Variants in TMEM67 observed in about 807,000 individuals in gnomAD.
TMEM67 encodes meckelin.
In TMEM67, 124 loss-of-function variants were observed where a neutral mutation model predicts 136.6. That is an observed-to-expected ratio of 0.91 (90% CI 0.78 to 1.05). TMEM67 has a LOEUF of 1.05. TMEM67 is among the 50% of genes least tolerant of loss of function. TMEM67 has a pLI of 0.00. For synonymous variants in TMEM67, 364 were observed against 390.5 expected, an observed-to-expected ratio of 0.93 and a Z score of 0.80; for missense variants, 1,107 against 1,178.4, an observed-to-expected ratio of 0.94 and a Z score of 0.89.
In TMEM67 at chr8:93,768,038, G is replaced by A. The variant is rs557855090; in HGVS notation, c.651+2392G>A. On this transcript the variant is annotated intron_variant, in intron 6 of 27. Coordinates refer to ENST00000453321, the MANE Select transcript of TMEM67 (RefSeq NM_153704.6). Reference sequence around the variant, plus strand: ...GCACCACCACACCTGGCTAATTTTTGTATTTTTAGTAGAGACAGAGTTTCT... The same window carrying A: ...GCACCACCACACCTGGCTAATTTTTATATTTTTAGTAGAGACAGAGTTTCT... Among the ~76,000 whole-genome samples the A allele has an allele frequency of 1.0e-3, 152 of 151,436 alleles. 1 individual carries two copies. Among genetic ancestry groups the A allele is most frequent in the Non-Finnish European group, 1.9e-3 (126 of 67,802 alleles).
chr8:93,818,317 A>C (rs1420250729), downstream of TMEM67, among the ~76,000 whole-genome samples: 2 of 152,172 alleles, frequency 1.3e-5, no homozygotes, highest in South Asian at 2.1e-4. Context: ...AAACCTAGAG[A>C]GGTTCTTTAT....
chr8:93,829,380 C>G, the TMEM67 span, among the ~76,000 whole-genome samples: 1,918 of 150,298 alleles, frequency 0.013, 25 homozygotes, highest in African/African-American at 0.033. Context: ...CTCTCTCTCT[C>G]TCTGTGTGTG....
chr8:93,800,990 G>T (rs1814846248), intron 21 of TMEM67, among the ~76,000 whole-genome samples: 1 of 150,194 alleles, frequency 6.7e-6, no homozygotes, highest in African/African-American at 2.5e-5. Context: ...CATGTATCTA[G>T]TAGAGGCCAT....
chr8:93,783,602 T>G (rs1162343029), intron 11 of TMEM67, among the ~76,000 whole-genome samples: 1 of 152,212 alleles, frequency 6.6e-6, no homozygotes, highest in African/African-American at 2.4e-5. Context: ...AAAACATGCA[T>G]GTATTAGTCC....
At chr8:93,781,275 A>G (rs1010779453) in intron 9 of TMEM67, among the ~76,000 whole-genome samples, 1 of 152,158 alleles carries the variant, frequency 6.6e-6, no homozygotes, top group Admixed American at 6.5e-5. Context: ...TCCACACCTT[A>G]AAGAAGTGCT....
At chr8:93,827,400 GAC>G in the TMEM67 span, among the ~76,000 whole-genome samples, 1 of 151,782 alleles carries the variant, frequency 6.6e-6, no homozygotes, top group East Asian at 1.9e-4. Context: ...TTCTAAAAAA[GAC>G]ACAGAGTCTC....
In TMEM67 at chr8:93,755,091, C is replaced by T. The variant is rs772188678; in HGVS notation, c.177C>T (p.Ala59=). 5 of 1,614,208 alleles carry T rather than the reference C, an allele frequency of 3.1e-6. No homozygotes were observed. Among genetic ancestry groups the T allele is most frequent in the Non-Finnish European group, 3.4e-6 (4 of 1,180,032 alleles). The part of the protein sequence containing the change: ...CDNNQYFDIS[A]LSCVPCGANQ... ...ACAACCAGTACTTTGATATCTCCGC[C>T]CTCTCGTGTGTTCCTTGTGGAGCTA... Residue 59 remains alanine (A), a synonymous_variant, in exon 1 of 28, where the codon GCC becomes GCT. Transcript: ENST00000453321.
chr8:93,820,018 C>T (rs998891049), downstream of TMEM67, among the ~76,000 whole-genome samples: 3 of 152,100 alleles, frequency 2.0e-5, no homozygotes, highest in Non-Finnish European at 4.4e-5. Flanking sequence ...GACCAGGTAA[C>T]GGGCAACTAG....
At chr8:93,778,856 A>T (rs887648093) in intron 7 of TMEM67, among the ~76,000 whole-genome samples, 3 of 152,138 alleles carry the variant, frequency 2.0e-5, no homozygotes, top group Non-Finnish European at 2.9e-5. Flanking sequence ...CTCAAGGAGT[A>T]TCTTTGTTTT....
chr8:93,786,183 TA>T, intron 12 of TMEM67, 39 bp from the exon 13 acceptor site: 1 of 1,601,722 alleles, frequency 6.2e-7, no homozygotes, highest in South Asian at 1.1e-5. Flanking sequence ...TTTCATGTTT[TA>T]AATTTGTGCA....
rs1813777143 is a variant in TMEM67, at chr8:93,780,654, C to T, written c.776C>T (p.Ser259Phe). ...AATATGTGTGTGATGAACATGAATT[C>T]TTACGACTTTGCCACATTTGATGCA... ...LGNMCVMNMNSYDFATFDACG... is the reference protein window; with the variant it reads ...LGNMCVMNMNFYDFATFDACG... The change falls in exon 8 of 28, where the codon TCT becomes TTT. Residue 259 changes from serine (S) to phenylalanine (F), a missense_variant. Physicochemically the swap from Ser to Phe is radical, Grantham distance 155. Around this residue, in one of 3 missense-constraint regions of TMEM67, gnomAD observed 925 missense variants for 1,002.4 expected, o/e 0.92. Coordinates refer to ENST00000453321, the MANE Select transcript of TMEM67 (RefSeq NM_153704.6). 6.2e-7 allele frequency: 1 copy of T among 1,613,972 alleles called. No individual in the cohort carries two copies. The highest frequency in any genetic ancestry group is 8.5e-7 in the Non-Finnish European group (1 of 1,180,026).
At chr8:93,771,030 A>G (rs1039849354) in intron 6 of TMEM67, among the ~76,000 whole-genome samples, 2 of 151,322 alleles carry the variant, frequency 1.3e-5, no homozygotes, top group South Asian at 4.2e-4. Flanking sequence ...AAAAAAAAAT[A>G]TTGATTTCTT....
intron 7 of TMEM67, 43 bp from the exon 8 acceptor site, chr8:93,780,550 G>A: frequency 1.2e-6 from 2 of 1,612,746 alleles, no homozygotes; most frequent in Non-Finnish European, 1.7e-6. Flanking sequence ...TGCATAGACT[G>A]TTCAGGTTCA....
At chr8:93,756,832 T>C (rs942018255) in intron 2 of TMEM67, 1 of 152,156 alleles carries the variant, frequency 6.6e-6, no homozygotes. Flanking sequence ...TCCCAGCAGT[T>C]TGGGAGGCTG....
intron 6 of TMEM67, among the ~76,000 whole-genome samples, chr8:93,771,943 C>T (rs1027399593): frequency 1.3e-5 from 2 of 152,172 alleles, no homozygotes; most frequent in East Asian, 3.8e-4. Flanking sequence ...TGTGCCCAGA[C>T]GATTTTCTCT....
chr8:93,791,158 T>G (rs1243046044), intron 14 of TMEM67, 105 bp from the exon 15 acceptor site: 1 of 736,724 alleles, frequency 1.4e-6, no homozygotes, highest in East Asian at 2.7e-5. Flanking sequence ...AGTTAAAAAC[T>G]ATAGTGTTTA....
chr8:93,782,971 C>T (rs1448294654), intron 11 of TMEM67, among the ~76,000 whole-genome samples: 1 of 151,312 alleles, frequency 6.6e-6, no homozygotes. Flanking sequence ...ATAAACAGAG[C>T]ACCTTGTTAT....
chr8:93,786,114 C>A, intron 12 of TMEM67, 109 bp from the exon 13 acceptor site: 1 of 1,027,312 alleles, frequency 9.7e-7, no homozygotes. Context: ...TAGAGAACGC[C>A]ATTGTCAGGT....
chr8:93,808,873 A>G lies in TMEM67; in HGVS notation c.2473A>G (p.Asn825Asp). ...GTGTAGCCAGAGAGGTTTGGTACCC[A>G]ACACAGATGGTCAGACTTTTGAGAT... The part of the protein sequence containing the change: ...NLCSQRGLVP[N>D]TDGQTFEIAI... The change falls in exon 24 of 28, where the codon AAC (asparagine) becomes GAC (aspartate). Residue 825 changes from asparagine (N) to aspartate (D), a missense_variant. Asn to Asp is a conservative substitution (Grantham distance 23). Transcript: ENST00000453321. 1 of 1,612,960 alleles carries G rather than the reference A, an allele frequency of 6.2e-7. No individual in the cohort carries two copies. Among genetic ancestry groups the G allele is most frequent in the Non-Finnish European group, 8.5e-7 (1 of 1,179,142 alleles).
Sources: gnomAD v4.1 joint callset for allele counts (sites outside exome capture counted in the v4.1 genomes callset) on GRCh38, gnomAD v4.1.1 for gene constraint, gnomAD v4.1.1 regional missense constraint, MANE v1.5 for transcripts, NCBI Gene and HGNC (gene_info 2026-07-23, HGNC 2026-07-21) for gene names.